Variants in DTNB observed in about 807,000 individuals in gnomAD.
DTNB encodes dystrobrevin beta.
A neutral mutation model predicts 90.7 loss-of-function variants in DTNB; 63 were observed. The observed-to-expected ratio is 0.69, with a 90% CI of 0.57 to 0.86. The LOEUF (loss-of-function observed/expected upper bound fraction) is 0.86. Ranked by LOEUF, DTNB falls within the 40% of genes least tolerant of loss-of-function variation. DTNB has a pLI of 0.00. For synonymous variants in DTNB, 277 were observed against 286.7 expected (o/e 0.97, Z 0.34); for missense variants, 744 against 807.1 (o/e 0.92, Z 0.95).
chr2:25,470,996 C>T (rs1396519783), intron 10 of DTNB, among the ~76,000 whole-genome samples: 1 of 152,222 alleles, frequency 6.6e-6, no homozygotes, highest in Non-Finnish European at 1.5e-5. Flanking sequence ...ACTTTAGCCA[C>T]AAAGGGCAAG....
intron 2 of DTNB, among the ~76,000 whole-genome samples, chr2:25,647,794 C>T (rs1471440831): frequency 6.7e-6 from 1 of 149,998 alleles, no homozygotes; most frequent in Non-Finnish European, 1.5e-5. Flanking sequence ...AAATAGAGAA[C>T]TGATTATGAA....
At chr2:25,615,297 T>C (rs2069971683) in intron 4 of DTNB, among the ~76,000 whole-genome samples, 4 of 152,090 alleles carry the variant, frequency 2.6e-5, no homozygotes. Flanking sequence ...AACCTAGTCC[T>C]TTTGGGTTTT....
intron 4 of DTNB, among the ~76,000 whole-genome samples, chr2:25,613,386 T>C (rs892812980): frequency 1.3e-5 from 2 of 152,178 alleles, no homozygotes; most frequent in African/African-American, 4.8e-5. Context: ...TTTTCAACCC[T>C]TGCCCCCTCC....
chr2:25,664,872 T>C (rs1175507727), intron 1 of DTNB, among the ~76,000 whole-genome samples: 3 of 152,086 alleles, frequency 2.0e-5, no homozygotes, highest in Non-Finnish European at 4.4e-5. Context: ...CTTTCTATTG[T>C]GTCACATCGC....
intron 5 of DTNB, among the ~76,000 whole-genome samples, chr2:25,598,488 T>C (rs949863422): frequency 2.0e-5 from 3 of 152,202 alleles, no homozygotes; most frequent in African/African-American, 7.2e-5. Flanking sequence ...AGCATTACTC[T>C]ACTATTACAG....
At chr2:25,486,814 G>A (rs2066290240) in intron 9 of DTNB, among the ~76,000 whole-genome samples, 1 of 152,086 alleles carries the variant, frequency 6.6e-6, no homozygotes, top group South Asian at 2.1e-4. Flanking sequence ...GATTGGTTTT[G>A]TTGATCTTTA....
At chr2:25,432,765 G>A in intron 14 of DTNB, 121 bp downstream of exon 14, 3 of 1,008,096 alleles carry the variant, frequency 3.0e-6, no homozygotes, top group Non-Finnish European at 4.5e-6. Flanking sequence ...CTCTTCAGTG[G>A]TCTGCGCTCA....
rs540154106 is a variant in DTNB, at chr2:25,608,834, C to T, written c.363-1513G>A. 2.0e-5 allele frequency among the ~76,000 whole-genome samples: 3 copies of T among 152,286 alleles called. No homozygotes were observed. The East Asian group carries it at 5.8e-4, about 29-fold the overall frequency. On this transcript the variant is annotated intron_variant, in intron 4 of 20. Coordinates refer to ENST00000406818, the MANE Select transcript of DTNB (RefSeq NM_021907.5). ...TCTTTCTCTGAAACTAGGATAGGGG[C>T]ACATAACAGAGCTCCACCAATAAAA...
intron 7 of DTNB, among the ~76,000 whole-genome samples, chr2:25,580,454 G>C (rs1176301128): frequency 6.6e-6 from 1 of 151,330 alleles, no homozygotes; most frequent in Non-Finnish European, 1.5e-5. Context: ...TCGGAAGGTA[G>C]AGGTTGCAGT....
At chr2:25,667,473 C>T (rs998878657) in intron 1 of DTNB, among the ~76,000 whole-genome samples, 2 of 151,850 alleles carry the variant, frequency 1.3e-5, no homozygotes, top group African/African-American at 2.4e-5. Context: ...CCACCCTAGG[C>T]GACAGAGCCA....
In DTNB at chr2:25,559,266, C is replaced by T. The variant is rs190416742; in HGVS notation, c.876+17572G>A. Among the ~76,000 whole-genome samples, 467 of 152,114 alleles carry T rather than the reference C, an allele frequency of 3.1e-3. 7 individuals are homozygous for T. The highest frequency in any genetic ancestry group is 9.9e-3 in the African/African-American group (410 of 41,430). On this transcript the variant is annotated intron_variant, in intron 8 of 20. Transcript: ENST00000406818. ...GCATCGGCAAAATCCCTCCTCTGTC[C>T]GAGGCTTACGCATCAACCTCTTCTC...
At chr2:25,396,973 C>A (rs1045456770) in intron 16 of DTNB, among the ~76,000 whole-genome samples, 1 of 151,792 alleles carries the variant, frequency 6.6e-6, no homozygotes, top group African/African-American at 2.4e-5. Context: ...TAAATTTGTC[C>A]TGAGATTTTA....
chr2:25,536,564 T>A (rs1316258796), intron 8 of DTNB, among the ~76,000 whole-genome samples: 1 of 150,418 alleles, frequency 6.6e-6, no homozygotes, highest in Non-Finnish European at 1.5e-5. Flanking sequence ...CCCTAAGGAG[T>A]GGCGGCGTGT....
intron 4 of DTNB, among the ~76,000 whole-genome samples, chr2:25,626,940 T>G (rs2074288030): frequency 6.6e-6 from 1 of 152,272 alleles, no homozygotes; most frequent in Non-Finnish European, 1.5e-5. Context: ...AAATCTGTGC[T>G]TTACAATTTT....
chr2:25,650,216 T>C (rs758850036), intron 2 of DTNB: 2 of 985,496 alleles, frequency 2.0e-6, no homozygotes, highest in Non-Finnish European at 2.4e-6. Flanking sequence ...CAGGAATTAC[T>C]GTGTTTGTGT....
chr2:25,485,478 A>G (rs908382619), intron 9 of DTNB, among the ~76,000 whole-genome samples: 19 of 152,224 alleles, frequency 1.2e-4, no homozygotes, highest in African/African-American at 4.3e-4. Context: ...TATAATCAAT[A>G]TCTCTTGGTA....
chr2:25,418,523 AC>A (rs1433346353), intron 16 of DTNB, among the ~76,000 whole-genome samples: 1 of 151,712 alleles, frequency 6.6e-6, no homozygotes, highest in African/African-American at 2.4e-5. Context: ...ATATGGTGAA[AC>A]CCTGTCTCTA....
chr2:25,646,956 C>T (rs1299009806), intron 2 of DTNB, among the ~76,000 whole-genome samples: 2 of 152,110 alleles, frequency 1.3e-5, no homozygotes, highest in Non-Finnish European at 2.9e-5. Context: ...AAAGGCTAGA[C>T]AAAATAAACT....
intron 2 of DTNB, among the ~76,000 whole-genome samples, chr2:25,641,225 G>A (rs879536138): frequency 4.6e-5 from 7 of 152,246 alleles, no homozygotes; most frequent in South Asian, 2.1e-4. Flanking sequence ...CTAGGGAGCC[G>A]TGCCACAACA....
Sources: allele counts gnomAD v4.1 joint callset (sites outside exome capture counted in the v4.1 genomes callset), GRCh38; gene constraint gnomAD v4.1.1; transcripts MANE v1.5; gene names NCBI Gene and HGNC (gene_info 2026-07-23, HGNC 2026-07-21).